Variants in NRG4 observed in about 807,000 individuals in gnomAD.
The protein encoded by NRG4 is neuregulin 4.
A neutral mutation model predicts 15.0 loss-of-function variants in NRG4; 10 were observed. That is an observed-to-expected ratio of 0.67 (90% confidence interval 0.41 to 1.13). The LOEUF (loss-of-function observed/expected upper bound fraction) is 1.13. Among genes scored for constraint, NRG4 ranks in the 50% most tolerant of loss-of-function variants. The pLI is 0.00. For synonymous variants in NRG4, 41 were observed against 50.1 expected, an observed-to-expected ratio of 0.82 and a Z score of 0.77; for missense variants, 139 against 140.2, an observed-to-expected ratio of 0.99 and a Z score of 0.04.
Position 75,943,622 on chromosome 15 carries a change from T to A in NRG4, c.*16A>T. On this transcript the variant is annotated 3_prime_UTR_variant, in exon 6 of 6. Coordinates refer to ENST00000394907, the MANE Select transcript of NRG4 (RefSeq NM_138573.4). Reference sequence around the variant, plus strand: ...TGTAAAATAAAAACAATGATTTGGTTCACTTTGACGTTTCTTCAGTGTTGT... The same window carrying A: ...TGTAAAATAAAAACAATGATTTGGTACACTTTGACGTTTCTTCAGTGTTGT... 6.6e-7 allele frequency: 1 copy of A among 1,523,878 alleles called. No homozygotes were observed. Among genetic ancestry groups the A allele is most frequent in the African/African-American group, 1.4e-5 (1 of 73,152 alleles). The allele number at this position is 1,523,878 out of a possible 1,614,324, so 94.4% of individuals were successfully genotyped here.
At chr15:76,023,279 TAGTGATTGGAAGCCCAGAAGGTACCTAC>T (rs145205063) in intron 5 of NRG4, among the ~76,000 whole-genome samples, 34,796 of 151,492 alleles carry the variant, frequency 0.23, 4,827 homozygotes, top group Non-Finnish European at 0.31. Flanking sequence ...GAGGTACCTA[TAGTGATTGGAAGCCCAGAAGGTACCTAC>T]AGTGATTGGA....
At chr15:75,968,972 T>A (rs757964614) in intron 3 of NRG4, among the ~76,000 whole-genome samples, 9 of 152,170 alleles carry the variant, frequency 5.9e-5, no homozygotes, top group Non-Finnish European at 1.2e-4. Flanking sequence ...TAATGGGCCT[T>A]TCCATTGTAG....
chr15:76,011,232 T>C lies in NRG4; in HGVS notation c.-2A>G. 6.9e-7 allele frequency: 1 copy of C among 1,455,314 alleles called. No individual in the cohort carries two copies. The highest frequency in any genetic ancestry group is 9.1e-7 in the Non-Finnish European group (1 of 1,095,546). 90.2% of individuals were successfully genotyped at this position (1,455,314 alleles called of 1,614,324 possible). On this transcript the variant is annotated 5_prime_UTR_variant, in exon 2 of 6. An upstream open reading frame in the 5' UTR loses its in-frame stop. Coordinates refer to ENST00000394907, the MANE Select transcript of NRG4 (RefSeq NM_138573.4). ...ATATAAGAAATTACCTGTTGGCATC[T>C]TAATTTGTAAATAGTTTCATTCTTG... is the stretch of plus-strand genomic sequence containing the variant.
chr15:76,050,806 TA>T (rs1244603927), intron 4 of NRG4, among the ~76,000 whole-genome samples: 5 of 146,664 alleles, frequency 3.4e-5, no homozygotes, highest in Non-Finnish European at 4.5e-5. Context: ...TCTCCAAAAC[TA>T]ATTTTTTTTT....
At chr15:76,050,182 A>G (rs1373760464) in intron 4 of NRG4, among the ~76,000 whole-genome samples, 1 of 151,002 alleles carries the variant, frequency 6.6e-6, no homozygotes, top group East Asian at 1.9e-4. Flanking sequence ...AGACCTAATG[A>G]TGGGTGTATA....
intron 5 of NRG4, among the ~76,000 whole-genome samples, chr15:75,946,397 G>T (rs1467542883): frequency 6.6e-6 from 1 of 152,036 alleles, no homozygotes; most frequent in East Asian, 1.9e-4. Flanking sequence ...TCGCTCTGTC[G>T]CCCAGGCTGG....
intron 3 of NRG4, among the ~76,000 whole-genome samples, chr15:75,978,690 TCACCAGCAC>T (rs998046058): frequency 2.6e-4 from 40 of 152,302 alleles, no homozygotes; most frequent in African/African-American, 9.6e-4. Flanking sequence ...CTCTATATTC[TCACCAGCAC>T]CTATTATTTT....
At chr15:75,990,080 T>G (rs1185684416) in intron 3 of NRG4, among the ~76,000 whole-genome samples, 1 of 152,192 alleles carries the variant, frequency 6.6e-6, no homozygotes, top group Non-Finnish European at 1.5e-5. Context: ...AGTCAGAATG[T>G]AAACACATCG....
intron 3 of NRG4, chr15:76,005,919 A>G: frequency 3.9e-6 from 1 of 254,716 alleles, no homozygotes; most frequent in Non-Finnish European, 8.0e-6. Flanking sequence ...AGAAATGGCC[A>G]CAAAGGTAGT....
At chr15:75,936,699 C>T (rs1157320013), downstream of NRG4, 1 of 152,208 alleles carries the variant, frequency 6.6e-6, no homozygotes, top group Non-Finnish European at 1.5e-5. Context: ...CTCAGCCTCC[C>T]TAGTAGCTGG....
In NRG4 at chr15:76,053,519, T is replaced by G. The variant is rs190352603; in HGVS notation, c.-261-536A>C. 4.9e-4 allele frequency: 74 copies of G among 151,094 alleles called. 3 individuals carry two copies. Among genetic ancestry groups the G allele is most frequent in the African/African-American group, 1.8e-3 (73 of 40,576 alleles). 9.4% of individuals were successfully genotyped at this position (151,094 alleles called of 1,614,324 possible). A position where few individuals can be genotyped will look rare whatever the true frequency, so the allele number is the denominator to read the frequency against. ...TACTAGGATTCTATCAATAACTACA[T>G]GGATATGTACTTGCTAGGTTTTATT... is the stretch of plus-strand genomic sequence containing the variant. On this transcript the variant is annotated intron_variant, in intron 2 of 8. Transcript: ENST00000563910.
rs564487411 is a variant in NRG4 at position 75,967,357 on chromosome 15, C to T, written c.105-5383G>A. On this transcript the variant is annotated intron_variant, in intron 3 of 5. Coordinates refer to ENST00000394907, the MANE Select transcript of NRG4 (RefSeq NM_138573.4). ...ATCTCACAAAATTTTTGTTGTTTAA[C>T]GTCACATTTATATGACATTAGCACC... is the stretch of plus-strand genomic sequence containing the variant. Among the ~76,000 whole-genome samples the T allele has an allele frequency of 1.6e-4, 25 of 151,618 alleles. No homozygotes were observed. The South Asian group carries it at 2.7e-3, about 16-fold the overall frequency.
At chr15:76,042,507 T>C (rs1029010140) in intron 4 of NRG4, among the ~76,000 whole-genome samples, 1 of 151,980 alleles carries the variant, frequency 6.6e-6, no homozygotes, top group African/African-American at 2.4e-5. Context: ...ATTCAAAGGA[T>C]CATTAGAGGC....
At chr15:76,041,005 A>T (rs2035723345) in intron 4 of NRG4, among the ~76,000 whole-genome samples, 1 of 152,224 alleles carries the variant, frequency 6.6e-6, no homozygotes, top group African/African-American at 2.4e-5. Context: ...ACACAAAGTT[A>T]AAAAGCAAGA....
intron 4 of NRG4, among the ~76,000 whole-genome samples, chr15:75,959,393 A>T (rs1345494758): frequency 6.6e-6 from 1 of 152,158 alleles, no homozygotes; most frequent in Non-Finnish European, 1.5e-5. Context: ...TCTTTATCTT[A>T]TGAGCATATG....
At chr15:76,049,387 C>G (rs1215597382) in intron 4 of NRG4, among the ~76,000 whole-genome samples, 2 of 150,828 alleles carry the variant, frequency 1.3e-5, no homozygotes, top group Non-Finnish European at 2.9e-5. Flanking sequence ...TTGCTCACCC[C>G]ATATGCACAA....
intron 5 of NRG4, among the ~76,000 whole-genome samples, chr15:76,029,956 A>G (rs1314557112): frequency 6.6e-6 from 1 of 152,164 alleles, no homozygotes; most frequent in Non-Finnish European, 1.5e-5. Context: ...AGCAATCCTG[A>G]GCAAAAAGAA....
chr15:76,037,761 C>T (rs1424334660), intron 4 of NRG4, among the ~76,000 whole-genome samples: 1 of 152,128 alleles, frequency 6.6e-6, no homozygotes. Context: ...GGCAACACAG[C>T]TGTGGCTCCA....
At chr15:76,042,517 C>T (rs1313380889) in intron 4 of NRG4, among the ~76,000 whole-genome samples, 1 of 151,932 alleles carries the variant, frequency 6.6e-6, no homozygotes, top group African/African-American at 2.4e-5. Flanking sequence ...TCATTAGAGG[C>T]TACTGTGAGC....
Sources: allele counts gnomAD v4.1 joint callset (sites outside exome capture counted in the v4.1 genomes callset), GRCh38; gene constraint gnomAD v4.1.1; transcripts MANE v1.5; gene names NCBI Gene and HGNC (gene_info 2026-07-23, HGNC 2026-07-21).